The following DIS3L variants were observed in gnomAD, a reference collection of about 807,000 sequenced individuals.
The protein encoded by DIS3L is DIS3-like exonuclease 1.
DIS3L carries 100 observed loss-of-function variants against 120.3 expected under a neutral mutation model. The observed-to-expected ratio is 0.83, with a 90% CI of 0.71 to 0.98. DIS3L has a LOEUF of 0.98. Among genes scored for constraint, DIS3L ranks in the 50% least tolerant of loss-of-function variants. The pLI is 0.00. For missense variants in DIS3L, 1,196 were observed against 1,314.2 expected (o/e 0.91, Z 1.39); for synonymous variants, 426 against 470.6 (o/e 0.91, Z 1.23).
chr15:66,318,187 T>C (rs536353983), intron 7 of DIS3L, among the ~76,000 whole-genome samples: 32 of 152,292 alleles, frequency 2.1e-4, no homozygotes, highest in African/African-American at 7.2e-4. Flanking sequence ...TTAGCCAGGC[T>C]GGTCTTGAAC....
Position 66,323,518 on chromosome 15 carries a change from C to G in DIS3L, c.1600C>G (p.Arg534Gly). ...TRATTYYLADRRYDMLPSVLS... is the reference protein window; with the variant it reads ...TRATTYYLADGRYDMLPSVLS... ...GGCCACCACTTATTATCTAGCAGAT[C>G]GTCGCTATGACATGCTGCCTTCCGT... The change falls in exon 11 of 17, where the codon CGT (arginine) becomes GGT (glycine). Residue 534 changes from arginine (R) to glycine (G), a missense_variant. Physicochemically the swap from Arg to Gly is moderately radical, Grantham distance 125. Transcript: ENST00000319212. The G allele has an allele frequency of 6.2e-7, 1 of 1,614,262 alleles. No individual in the cohort carries two copies. Among genetic ancestry groups the G allele is most frequent in the Non-Finnish European group, 8.5e-7 (1 of 1,180,042 alleles).
chr15:66,320,799 TAAGA>T (rs2092875744), intron 9 of DIS3L, 67 bp downstream of exon 9: 3 of 1,554,176 alleles, frequency 1.9e-6, no homozygotes, highest in Non-Finnish European at 1.7e-6. Flanking sequence ...GTTTCATCAT[TAAGA>T]AAGAAAAGTC....
intron 5 of DIS3L, among the ~76,000 whole-genome samples, chr15:66,313,823 AAAAAG>A (rs199736150): frequency 0.012 from 1,818 of 151,010 alleles, 30 homozygotes; most frequent in African/African-American, 0.041. Context: ...ACATCTCGAA[AAAAAG>A]AAAAAAGTGT....
chr15:66,320,600 C>A lies in DIS3L; in HGVS notation c.1194C>A (p.Ser398=). ...QDFRVVVRID[S]WESTSVYPNG... The stretch of plus-strand genomic sequence containing the variant: ...TCAGGGTGGTCGTGCGCATCGATTC[C>A]TGGGAGTCAACATCTGTGTATCCAA... Residue 398 remains serine (S), a synonymous_variant, in exon 9 of 17, where the codon TCC becomes TCA. Transcript: ENST00000319212. 2 of 1,613,544 alleles carry A rather than the reference C, an allele frequency of 1.2e-6. No individual in the cohort carries two copies. The highest frequency in any genetic ancestry group is 1.7e-5 in the Admixed American group (1 of 59,904).
At chr15:66,320,464 A>C (rs991349008) in intron 8 of DIS3L, 107 bp from the exon 9 acceptor site, 1 of 1,257,140 alleles carries the variant, frequency 8.0e-7, no homozygotes, top group Middle Eastern at 2.0e-4. Flanking sequence ...GCACCTGGCC[A>C]CTCTCCTTGG....
At chr15:66,296,783 A>G (rs1264594150) in intron 2 of DIS3L, among the ~76,000 whole-genome samples, 1 of 152,126 alleles carries the variant, frequency 6.6e-6, no homozygotes, top group African/African-American at 2.4e-5. Context: ...CAGCCTCCCA[A>G]AGTGCTGGGA....
In DIS3L at chr15:66,325,903, C is replaced by G. The variant is rs2092930718; in HGVS notation, c.1740C>G (p.Thr580=). ...TTAAGAAAGTGTGGTATGGCAGAAC[C>G]ATTATTCGATCAGCATACAAACTGT... is the stretch of plus-strand genomic sequence containing the variant. ...YEIKKVWYGR[T]IIRSAYKLFY... The change falls in exon 12 of 17, where the codon ACC becomes ACG. Residue 580 remains threonine (T), a synonymous_variant. Transcript: ENST00000319212. 3 of 1,614,060 alleles carry G rather than the reference C, an allele frequency of 1.9e-6. No individual in the cohort carries two copies. Among genetic ancestry groups the G allele is most frequent in the Non-Finnish European group, 2.5e-6 (3 of 1,179,950 alleles).
intron 8 of DIS3L, among the ~76,000 whole-genome samples, chr15:66,319,952 T>TTAA (rs2092863027): frequency 9.3e-6 from 1 of 108,046 alleles, no homozygotes. Flanking sequence ...CCATTTCTAC[T>TTAA]AAAAAAAAAA....
In DIS3L at chr15:66,333,435, T is replaced by C. The variant is rs1321270050; in HGVS notation, c.*123T>C. ...GGACTGGGTAGCTATTTCGCATATA[T>C]GTAAAATGTTCTCAGCCGGGCACGG... On this transcript the variant is annotated 3_prime_UTR_variant, in exon 17 of 17. Transcript: ENST00000319212. 7.1e-6 allele frequency: 8 copies of C among 1,122,020 alleles called. No individual in the cohort carries two copies. Among genetic ancestry groups the C allele is most frequent in the Non-Finnish European group, 8.7e-6 (7 of 805,966 alleles). 69.5% of individuals were successfully genotyped at this position (1,122,020 alleles called of 1,614,324 possible). A position where few individuals can be genotyped will look rare whatever the true frequency, so the allele number is the denominator to read the frequency against.
chr15:66,332,683 T>C (rs768771048), intron 15 of DIS3L, 53 bp from the exon 16 acceptor site: 107 of 1,489,414 alleles, frequency 7.2e-5, no homozygotes, highest in Non-Finnish European at 9.7e-5. Context: ...GCATACAAGA[T>C]CTGTGTACTA....
intron 10 of DIS3L, 115 bp downstream of exon 10, chr15:66,323,049 C>A: frequency 7.4e-7 from 1 of 1,358,822 alleles, no homozygotes; most frequent in Non-Finnish European, 9.9e-7. Context: ...AAGGTCCCTT[C>A]CAGAAAAAAA....
At chr15:66,301,087 C>T (rs1030646296) in intron 2 of DIS3L, among the ~76,000 whole-genome samples, 16 of 151,720 alleles carry the variant, frequency 1.1e-4, no homozygotes, top group Non-Finnish European at 1.3e-4. Flanking sequence ...CAGTCAGCAG[C>T]GGAAAGGGAT....
At chr15:66,293,771 G>A in intron 1 of DIS3L, 36 bp downstream of exon 1, 1 of 1,155,472 alleles carries the variant, frequency 8.7e-7, no homozygotes, top group Non-Finnish European at 1.1e-6. Context: ...CGGGGCCGGC[G>A]GGAGCGGGCG....
chr15:66,304,343 C>T (rs996012650), intron 2 of DIS3L, among the ~76,000 whole-genome samples: 1 of 151,766 alleles, frequency 6.6e-6, no homozygotes, highest in African/African-American at 2.4e-5. Context: ...GTCCCAGCTA[C>T]TCAGGAGGCT....
At chr15:66,327,531 G>A (rs1012295024) in intron 12 of DIS3L, among the ~76,000 whole-genome samples, 3 of 152,058 alleles carry the variant, frequency 2.0e-5, no homozygotes, top group Admixed American at 1.3e-4. Context: ...GCCGAGGCGG[G>A]CAGATCACGA....
chr15:66,328,016 C>T (rs568258472), intron 12 of DIS3L, among the ~76,000 whole-genome samples: 22 of 152,282 alleles, frequency 1.4e-4, no homozygotes, highest in African/African-American at 5.0e-4. Context: ...TGTGCCACTA[C>T]ACTCCAGCCT....
intron 12 of DIS3L, 173 bp downstream of exon 12, chr15:66,326,537 A>T (rs775467349): frequency 1.4e-6 from 1 of 738,004 alleles, no homozygotes; most frequent in East Asian, 2.8e-5. Context: ...ATGTATAGAG[A>T]CTTAAAACAA....
intron 2 of DIS3L, among the ~76,000 whole-genome samples, chr15:66,304,853 A>G (rs1595722322): frequency 6.8e-6 from 1 of 147,338 alleles, no homozygotes; most frequent in African/African-American, 2.5e-5. Context: ...GTGAGCCGAG[A>G]TCGTGCCACT....
chr15:66,303,806 T>C (rs2092672188), intron 2 of DIS3L, among the ~76,000 whole-genome samples: 1 of 152,128 alleles, frequency 6.6e-6, no homozygotes, highest in African/African-American at 2.4e-5. Flanking sequence ...GTTAACAGTG[T>C]GTAGGCCGGG....
Sources: allele counts gnomAD v4.1 joint callset (sites outside exome capture counted in the v4.1 genomes callset), GRCh38; gene constraint gnomAD v4.1.1; transcripts MANE v1.5; gene names NCBI Gene and HGNC (gene_info 2026-07-23, HGNC 2026-07-21).